Variants in DMKN observed in about 807,000 individuals in gnomAD.
DMKN encodes the protein epidermis-specific secreted protein SK30/SK89.
DMKN carries 58 observed loss-of-function variants against 67.6 expected under a neutral mutation model. That is an observed-to-expected ratio of 0.86 (90% CI 0.69 to 1.07). The LOEUF is 1.07. Among genes scored for constraint, DMKN ranks in the 50% least tolerant of loss-of-function variants. The probability of loss-of-function intolerance (pLI) is 0.00; values close to 1 mark genes in which losing one functional copy is unlikely to be tolerated. For missense variants in DMKN, 596 were observed against 601.5 expected (o/e 0.99, Z 0.10); for synonymous variants, 240 against 232.3 (o/e 1.03, Z -0.30).
intron 15 of DMKN, 90 bp downstream of exon 15, chr19:35,498,626 C>A: frequency 3.2e-6 from 5 of 1,565,956 alleles, no homozygotes; most frequent in East Asian, 2.3e-5. Context: ...CCACTGAGAT[C>A]TGAGGATATA....
chr19:35,497,699 G>A (rs1471620248), intron 15 of DMKN, 161 bp from the exon 16 acceptor site: 4 of 152,354 alleles, frequency 2.6e-5, no homozygotes, highest in Non-Finnish European at 5.9e-5. Context: ...AGAGTTTGTG[G>A]TTCTGCCGAG....
rs768991824 is a variant in DMKN at position 35,505,975 on chromosome 19, C to T, written c.1050G>A (p.Thr350=). Residue 350 remains threonine, a synonymous_variant, in exon 8 of 16, where the codon ACG becomes ACA. Transcript: ENST00000339686. The part of the protein sequence containing the change: ...SGESGIQNSE[T]SPGMFNFDTF... ...TGTCAAAGTTAAACATCCCAGGAGA[C>T]GTCTCAGAGTTCTATGGAACCAAGG... 19 of 1,613,974 alleles carry T rather than the reference C, an allele frequency of 1.2e-5. No homozygotes were observed. Among genetic ancestry groups the T allele is most frequent in the South Asian group, 3.3e-5 (3 of 91,082 alleles).
At chr19:35,500,671 C>T (rs1568564998) in intron 11 of DMKN, 91 bp from the exon 12 acceptor site, 1 of 1,421,334 alleles carries the variant, frequency 7.0e-7, no homozygotes, top group Non-Finnish European at 9.5e-7. Flanking sequence ...TCACCCCACC[C>T]CTTTCCACGT....
At position 35,509,755 on chromosome 19, in the gene DMKN, G is replaced by C. The variant is rs891414327; in HGVS notation, c.1038+156C>G. 13 of 797,680 alleles carry C rather than the reference G, an allele frequency of 1.6e-5. No individual in the cohort carries two copies. In the African/African-American group the frequency reaches 2.1e-4, roughly 13 times the overall value. 49.4% of individuals were successfully genotyped at this position (797,680 alleles called of 1,614,324 possible). On this transcript the variant is annotated intron_variant, in intron 7 of 15. Coordinates refer to ENST00000339686, the MANE Select transcript of DMKN (RefSeq NM_033317.5). ...TTAATTAGTACTTTGGAAATCGTTA[G>C]CATTTTTAGGAGTGCATTTGGTTTC...
chr19:35,502,731 A>G, intron 10 of DMKN, 99 bp downstream of exon 10: 1 of 1,264,018 alleles, frequency 7.9e-7, no homozygotes. Flanking sequence ...GGAGTTTTGA[A>G]ACAGGTGGTT....
At position 35,509,899 on chromosome 19, in the gene DMKN, T is replaced by A; in HGVS notation, c.1038+12A>T. The stretch of plus-strand genomic sequence containing the variant: ...GCAGTCCCCAGGAGACTTAAGAGAC[T>A]TTGGCTCTCACCTGAATCCCAGATT... On this transcript the variant is annotated intron_variant, in intron 7 of 15. Coordinates refer to ENST00000339686, the MANE Select transcript of DMKN (RefSeq NM_033317.5). The A allele has an allele frequency of 1.2e-6, 2 of 1,614,186 alleles. No homozygotes were observed. Among genetic ancestry groups the A allele is most frequent in the Non-Finnish European group, 1.7e-6 (2 of 1,180,004 alleles).
chr19:35,504,841 A>C (rs1599909950), intron 9 of DMKN, among the ~76,000 whole-genome samples: 1 of 147,854 alleles, frequency 6.8e-6, no homozygotes, highest in East Asian at 2.1e-4. Context: ...CTAGGGAGTG[A>C]CCCCCCCACC....
chr19:35,505,909 G>A (rs372850729), intron 8 of DMKN, 30 bp downstream of exon 8: 10 of 1,614,048 alleles, frequency 6.2e-6, no homozygotes, highest in African/African-American at 2.7e-5. Context: ...TTCCAAATGC[G>A]AGTGAACAGA....
chr19:35,502,004 C>G, intron 11 of DMKN, 132 bp downstream of exon 11: 1 of 1,561,358 alleles, frequency 6.4e-7, no homozygotes, highest in South Asian at 1.2e-5. Flanking sequence ...TCACCCCGCC[C>G]CCACTCGGGA....
intron 5 of DMKN, among the ~76,000 whole-genome samples, chr19:35,510,675 G>A (rs1044456480): frequency 7.9e-5 from 12 of 152,366 alleles, no homozygotes; most frequent in Non-Finnish European, 1.2e-4. Context: ...ACGGGGAGCG[G>A]CGCATGAGAG....
intron 7 of DMKN, chr19:35,506,682 G>A (rs931269069): frequency 1.3e-5 from 5 of 394,552 alleles, no homozygotes; most frequent in African/African-American, 1.0e-4. Flanking sequence ...ATATACAGAT[G>A]ACATGATAGA....
chr19:35,498,476 A>C, intron 15 of DMKN: 2 of 580,044 alleles, frequency 3.4e-6, no homozygotes, highest in Non-Finnish European at 6.0e-6. Context: ...CCCAAAGCAC[A>C]GAGATTACAG....
chr19:35,498,336 T>C (rs1182836812), intron 15 of DMKN: 2 of 208,080 alleles, frequency 9.6e-6, no homozygotes, highest in Non-Finnish European at 1.9e-5. Flanking sequence ...GGTTTTGCCA[T>C]GTTTCCCAGG....
At chr19:35,509,843 G>A in intron 7 of DMKN, 68 bp downstream of exon 7, 1 of 1,573,186 alleles carries the variant, frequency 6.4e-7, no homozygotes, top group South Asian at 1.1e-5. Context: ...AGTTGAGTTA[G>A]GAGGAGTGGG....
intron 15 of DMKN, 23 bp downstream of exon 15, chr19:35,498,693 G>T: frequency 1.2e-6 from 2 of 1,613,482 alleles, no homozygotes; most frequent in Non-Finnish European, 1.7e-6. Context: ...ATGTGGCCTG[G>T]GTCGGCTCAC....
chr19:35,502,104 G>A, intron 11 of DMKN, 32 bp downstream of exon 11: 1 of 1,614,038 alleles, frequency 6.2e-7, no homozygotes, highest in Non-Finnish European at 8.5e-7. Context: ...CGAACCCTGT[G>A]TCCCAGAGCT....
At chr19:35,500,196 G>T in intron 12 of DMKN, 167 bp from the exon 13 acceptor site, 1 of 1,165,168 alleles carries the variant, frequency 8.6e-7, no homozygotes, top group Non-Finnish European at 1.2e-6. Context: ...AGCCAGCCAG[G>T]GCCCCCACCC....
At chr19:35,506,759 A>C in intron 7 of DMKN, 1 of 295,646 alleles carries the variant, frequency 3.4e-6, no homozygotes, top group South Asian at 2.8e-5. Context: ...CACGCCTGTA[A>C]TCCCAGCACT....
chr19:35,508,063 G>C, intron 7 of DMKN: 3 of 1,093,138 alleles, frequency 2.7e-6, no homozygotes, highest in Non-Finnish European at 4.0e-6. Context: ...AGACCCATCA[G>C]TACTTCCTCG....
Sources: allele counts gnomAD v4.1 joint callset (sites outside exome capture counted in the v4.1 genomes callset), GRCh38; gene constraint gnomAD v4.1.1; transcripts MANE v1.5; gene names NCBI Gene and HGNC (gene_info 2026-07-23, HGNC 2026-07-21).